Variants in TNRC6B observed in about 807,000 individuals in gnomAD.
TNRC6B encodes the protein trinucleotide repeat containing adaptor 6B, also known as trinucleotide repeat-containing gene 6B protein.
In TNRC6B, 52 loss-of-function variants were observed where a neutral mutation model predicts 203.6. The observed-to-expected ratio is 0.26, with a 90% CI of 0.20 to 0.32. The LOEUF is 0.32. TNRC6B is among the 10% of genes least tolerant of loss of function. The pLI is 1.00. For missense variants in TNRC6B, 1,923 were observed against 2,286.2 expected, an observed-to-expected ratio of 0.84 and a Z score of 3.24; for synonymous variants, 838 against 845.7, an observed-to-expected ratio of 0.99 and a Z score of 0.16.
At chr22:40,173,983 G>C (rs938921392), upstream of TNRC6B, among the ~76,000 whole-genome samples, 1 of 145,128 alleles carries the variant, frequency 6.9e-6, no homozygotes, top group African/African-American at 2.5e-5. Context: ...TTTGTATTTT[G>C]AGTTGGGTTT....
At chr22:40,143,985 A>T (rs2068668727) in intron 3 of TNRC6B, among the ~76,000 whole-genome samples, 4 of 152,228 alleles carry the variant, frequency 2.6e-5, no homozygotes, top group Admixed American at 2.0e-4. Context: ...AACATTATTC[A>T]TGAGCAAAAT....
chr22:40,187,234 C>G (rs2146388760), intron 1 of TNRC6B, among the ~76,000 whole-genome samples: 1 of 152,268 alleles, frequency 6.6e-6, no homozygotes, highest in Non-Finnish European at 1.5e-5. Context: ...TGAAAATACC[C>G]AAAATGGTTT....
At chr22:40,069,286 T>G (rs1458281928) in intron 1 of TNRC6B, among the ~76,000 whole-genome samples, 2 of 151,682 alleles carry the variant, frequency 1.3e-5, no homozygotes, top group African/African-American at 2.4e-5. Context: ...TTTTTTTTTT[T>G]GTAGAGCTGG....
intron 6 of TNRC6B, among the ~76,000 whole-genome samples, chr22:40,271,319 T>A (rs1482716572): frequency 6.6e-6 from 1 of 152,232 alleles, no homozygotes; most frequent in Non-Finnish European, 1.5e-5. Context: ...ATCTTTTGAT[T>A]AAATAATGAA....
intron 1 of TNRC6B, among the ~76,000 whole-genome samples, chr22:40,080,620 A>G (rs1481047284): frequency 6.6e-6 from 1 of 151,952 alleles, no homozygotes; most frequent in African/African-American, 2.4e-5. Flanking sequence ...TCAAATTCTC[A>G]CAGTTCCCCA....
chr22:40,207,528 C>T (rs1412248168), intron 1 of TNRC6B, among the ~76,000 whole-genome samples: 3 of 150,806 alleles, frequency 2.0e-5, no homozygotes, highest in Non-Finnish European at 4.4e-5. Flanking sequence ...CACCAAATGA[C>T]ATTATGGCCA....
chr22:40,295,729 CA>C (rs112657428), intron 12 of TNRC6B, among the ~76,000 whole-genome samples: 6 of 148,808 alleles, frequency 4.0e-5, no homozygotes, highest in Middle Eastern at 3.4e-3. Context: ...CTGAGACTTG[CA>C]AAAAAAAATG....
chr22:40,219,633 C>T (rs1431325783), intron 1 of TNRC6B, among the ~76,000 whole-genome samples: 1 of 152,184 alleles, frequency 6.6e-6, no homozygotes, highest in Non-Finnish European at 1.5e-5. Flanking sequence ...CCTTCCTGCG[C>T]TTCACACTCA....
chr22:40,235,589 C>T (rs1200056605), intron 1 of TNRC6B, among the ~76,000 whole-genome samples: 1 of 152,164 alleles, frequency 6.6e-6, no homozygotes, highest in Admixed American at 6.5e-5. Context: ...TTGGTGTTGA[C>T]TGAGCTGATG....
chr22:40,073,879 G>A (rs111330387), intron 1 of TNRC6B, among the ~76,000 whole-genome samples: 3,945 of 152,114 alleles, frequency 0.026, 169 homozygotes, highest in African/African-American at 0.091. Context: ...CCAACATAGC[G>A]AAACCCCAGC....
intron 1 of TNRC6B, among the ~76,000 whole-genome samples, chr22:40,187,518 C>A (rs1250375442): frequency 1.3e-5 from 2 of 152,100 alleles, no homozygotes; most frequent in African/African-American, 4.8e-5. Context: ...ACAGATCCAG[C>A]AGGAGGGGTG....
upstream of TNRC6B, among the ~76,000 whole-genome samples, chr22:40,175,024 T>A (rs2146372735): frequency 6.6e-6 from 1 of 152,232 alleles, no homozygotes; most frequent in African/African-American, 2.4e-5. Context: ...GTATTAAATT[T>A]AGAGGTATTG....
intron 3 of TNRC6B, among the ~76,000 whole-genome samples, chr22:40,142,000 TCCAC>T (rs1437046789): frequency 1.3e-5 from 2 of 151,870 alleles, no homozygotes; most frequent in African/African-American, 4.8e-5. Flanking sequence ...GACCTCATGA[TCCAC>T]CCACCTCGGC....
chr22:40,255,240 A>T (rs904332672), intron 3 of TNRC6B, among the ~76,000 whole-genome samples: 3 of 152,226 alleles, frequency 2.0e-5, no homozygotes, highest in Non-Finnish European at 1.5e-5. Context: ...GCCAACAGGG[A>T]AAAGCTTCTA....
chr22:40,104,010 T>C (rs1283290173), intron 1 of TNRC6B, among the ~76,000 whole-genome samples: 1 of 148,170 alleles, frequency 6.7e-6, no homozygotes, highest in African/African-American at 2.5e-5. Flanking sequence ...CCCAGCACTT[T>C]GGGAGGCCGA....
At chr22:40,171,481 T>C (rs1269159047) in intron 4 of TNRC6B, among the ~76,000 whole-genome samples, 4 of 152,100 alleles carry the variant, frequency 2.6e-5, no homozygotes, top group African/African-American at 7.2e-5. Flanking sequence ...AATTTAACAA[T>C]GAATGGGACT....
At chr22:40,223,253 G>GC (rs1420202669) in intron 1 of TNRC6B, among the ~76,000 whole-genome samples, 1 of 151,974 alleles carries the variant, frequency 6.6e-6, no homozygotes, top group Non-Finnish European at 1.5e-5. Context: ...CAATTCTCCT[G>GC]CCTCAGCCTG....
At chr22:40,075,157 T>TATATATATATGTATATATATATA (rs1491547107) in intron 1 of TNRC6B, among the ~76,000 whole-genome samples, 1 of 34,526 alleles carries the variant, frequency 2.9e-5, no homozygotes. Flanking sequence ...TATATATATA[T>TATATATATATGTATATATATATA]TTTTTTTTTT....
chr22:40,279,396 G>A (rs2070694755), intron 9 of TNRC6B, among the ~76,000 whole-genome samples: 2 of 152,324 alleles, frequency 1.3e-5, no homozygotes, highest in East Asian at 1.9e-4. Flanking sequence ...ATCAGCAGAC[G>A]ACAGCACATT....
Sources: gnomAD v4.1 joint callset for allele counts (sites outside exome capture counted in the v4.1 genomes callset) on GRCh38, gnomAD v4.1.1 for gene constraint, MANE v1.5 for transcripts, NCBI Gene and HGNC (gene_info 2026-07-23, HGNC 2026-07-21) for gene names.